Variants in PTPRK observed in about 807,000 individuals in gnomAD.
PTPRK encodes receptor-type tyrosine-protein phosphatase kappa.
Under a neutral mutation model 178.0 loss-of-function variants are expected in PTPRK, and 75 were observed. The observed-to-expected ratio is 0.42, with a 90% confidence interval of 0.35 to 0.51. The LOEUF (loss-of-function observed/expected upper bound fraction) is 0.51. Ranked by LOEUF, PTPRK falls within the 20% of genes least tolerant of loss-of-function variation. The probability of loss-of-function intolerance (pLI) is 0.02; values close to 1 mark genes in which losing one functional copy is unlikely to be tolerated. For synonymous variants in PTPRK, 637 were observed against 620.6 expected (o/e 1.03, Z -0.39); for missense variants, 1,441 against 1,797.8 (o/e 0.80, Z 3.59).
chr6:128,511,487 T>C (rs1857179944), intron 1 of PTPRK, among the ~76,000 whole-genome samples: 1 of 152,204 alleles, frequency 6.6e-6, no homozygotes, highest in South Asian at 2.1e-4. Context: ...CTTAAGGGAC[T>C]TGAACCTGGG....
intron 2 of PTPRK, among the ~76,000 whole-genome samples, chr6:128,362,188 T>C (rs1183922395): frequency 6.6e-6 from 1 of 152,148 alleles, no homozygotes; most frequent in Non-Finnish European, 1.5e-5. Flanking sequence ...CTTTTACTCA[T>C]GGCAGAAAAT....
At chr6:128,494,665 A>G (rs1854394803) in intron 1 of PTPRK, among the ~76,000 whole-genome samples, 1 of 152,264 alleles carries the variant, frequency 6.6e-6, no homozygotes, top group African/African-American at 2.4e-5. Context: ...GGAAAATAAA[A>G]TATTACAACA....
intron 7 of PTPRK, among the ~76,000 whole-genome samples, chr6:128,137,281 G>A (rs1307984437): frequency 6.6e-6 from 1 of 152,062 alleles, no homozygotes; most frequent in Non-Finnish European, 1.5e-5. Context: ...ATTGCCTTAG[G>A]GCAAACTTAG....
intron 1 of PTPRK, among the ~76,000 whole-genome samples, chr6:128,453,468 G>A (rs1848033158): frequency 6.6e-6 from 1 of 152,058 alleles, no homozygotes; most frequent in Non-Finnish European, 1.5e-5. Flanking sequence ...GATTGTAAAG[G>A]GCCAAGCTCA....
intron 7 of PTPRK, among the ~76,000 whole-genome samples, chr6:128,130,833 C>T (rs113938480): frequency 0.026 from 3,875 of 149,320 alleles, 76 homozygotes; most frequent in Middle Eastern, 0.095. Context: ...AAGGAAGTAC[C>T]GATATAAAAA....
chr6:128,247,329 T>C (rs1367822361), intron 3 of PTPRK, among the ~76,000 whole-genome samples: 1 of 152,206 alleles, frequency 6.6e-6, no homozygotes, highest in African/African-American at 2.4e-5. Flanking sequence ...TCTTTTTCTT[T>C]TTTTTAATGA....
At chr6:128,412,188 A>G (rs1223918009) in intron 1 of PTPRK, among the ~76,000 whole-genome samples, 1 of 152,322 alleles carries the variant, frequency 6.6e-6, no homozygotes, top group African/African-American at 2.4e-5. Flanking sequence ...AATCATCTTC[A>G]ATGCTACTTC....
chr6:128,163,650 T>TA (rs1175618626), intron 7 of PTPRK, among the ~76,000 whole-genome samples: 2 of 151,466 alleles, frequency 1.3e-5, no homozygotes, highest in Non-Finnish European at 3.0e-5. Flanking sequence ...AGAATAAGGT[T>TA]AAAAAATGCT....
intron 2 of PTPRK, among the ~76,000 whole-genome samples, chr6:128,362,896 T>C (rs1834966458): frequency 1.3e-5 from 2 of 152,174 alleles, no homozygotes; most frequent in Non-Finnish European, 2.9e-5. Context: ...GAGAGATGTC[T>C]ATGTGCCAAT....
At chr6:128,422,698 A>C (rs1843633586) in intron 1 of PTPRK, among the ~76,000 whole-genome samples, 2 of 151,110 alleles carry the variant, frequency 1.3e-5, no homozygotes, top group South Asian at 4.2e-4. Flanking sequence ...AAAAAAAAAA[A>C]AAAAAACCTG....
intron 2 of PTPRK, among the ~76,000 whole-genome samples, chr6:128,380,707 C>A (rs1018186103): frequency 7.2e-5 from 11 of 151,970 alleles, no homozygotes; most frequent in African/African-American, 2.7e-4. Context: ...GTAAAAGGGA[C>A]CTACAAAGAG....
intron 7 of PTPRK, among the ~76,000 whole-genome samples, chr6:128,173,471 C>T (rs1454689542): frequency 1.3e-5 from 2 of 151,902 alleles, no homozygotes; most frequent in African/African-American, 4.8e-5. Context: ...TCATGAATCT[C>T]GCAAGAGGAA....
intron 2 of PTPRK, among the ~76,000 whole-genome samples, chr6:128,380,557 T>TAC (rs1184350538): frequency 3.7e-4 from 56 of 150,274 alleles, no homozygotes; most frequent in East Asian, 3.1e-3. Context: ...CACACACGTG[T>TAC]GTGTGTGTGT....
chr6:128,246,439 T>TAA (rs78830574), intron 3 of PTPRK, among the ~76,000 whole-genome samples: 1 of 144,660 alleles, frequency 6.9e-6, no homozygotes, highest in Non-Finnish European at 1.5e-5. Flanking sequence ...GTTCTTTATT[T>TAA]AAAAAAAAAA....
At chr6:128,177,653 G>C (rs969632199) in intron 7 of PTPRK, among the ~76,000 whole-genome samples, 2 of 151,732 alleles carry the variant, frequency 1.3e-5, no homozygotes, top group Admixed American at 1.3e-4. Flanking sequence ...AATGTGCCTT[G>C]AATTGGGATG....
At chr6:128,158,579 A>G (rs997680111) in intron 7 of PTPRK, among the ~76,000 whole-genome samples, 8 of 151,924 alleles carry the variant, frequency 5.3e-5, no homozygotes, top group African/African-American at 1.9e-4. Context: ...TGGTTCATCC[A>G]CAATACACAG....
chr6:128,365,241 G>A (rs1480372655), intron 2 of PTPRK, among the ~76,000 whole-genome samples: 1 of 151,982 alleles, frequency 6.6e-6, no homozygotes, highest in African/African-American at 2.4e-5. Context: ...GCTTTTGTTA[G>A]GGGTACTGTC....
chr6:128,277,173 A>G (rs1209651421), intron 3 of PTPRK, among the ~76,000 whole-genome samples: 1 of 152,180 alleles, frequency 6.6e-6, no homozygotes, highest in Non-Finnish European at 1.5e-5. Context: ...AAGTTCATAT[A>G]GAAAGTAATT....
chr6:128,199,285 T>C (rs997598424), intron 6 of PTPRK, among the ~76,000 whole-genome samples: 1 of 152,180 alleles, frequency 6.6e-6, no homozygotes, highest in Non-Finnish European at 1.5e-5. Flanking sequence ...ACAATGATGT[T>C]CTATGATGCA....
Sources: allele counts gnomAD v4.1 joint callset (sites outside exome capture counted in the v4.1 genomes callset), GRCh38; gene constraint gnomAD v4.1.1; transcripts MANE v1.5; gene names NCBI Gene and HGNC (gene_info 2026-07-23, HGNC 2026-07-21).